The following DISC1 variants were observed in gnomAD, a reference collection of about 807,000 sequenced individuals.
DISC1 encodes the protein DISC1 scaffold protein, also known as disrupted in schizophrenia 1 protein.
In DISC1, 57 loss-of-function variants were observed where a neutral mutation model predicts 84.5. That is an observed-to-expected ratio of 0.67 (90% confidence interval 0.55 to 0.84). DISC1 has a LOEUF of 0.84. DISC1 is among the 40% of genes least tolerant of loss of function. The pLI is 0.00. For synonymous variants in DISC1, 411 were observed against 415.2 expected (o/e 0.99, Z 0.12); for missense variants, 1,000 against 1,057.8 (o/e 0.95, Z 0.76).
At chr1:231,997,772 T>C (rs1026109066) in intron 10 of DISC1, among the ~76,000 whole-genome samples, 3 of 152,148 alleles carry the variant, frequency 2.0e-5, no homozygotes, top group African/African-American at 4.8e-5. Context: ...TGCACCCTCC[T>C]ACCACCTGAA....
At chr1:231,829,824 G>A (rs1156905301) in intron 9 of DISC1, among the ~76,000 whole-genome samples, 1 of 147,772 alleles carries the variant, frequency 6.8e-6, no homozygotes. Flanking sequence ...GTAGGTAAAG[G>A]AAAATTACAG....
chr1:231,924,528 A>G (rs774986065), intron 9 of DISC1, among the ~76,000 whole-genome samples: 5 of 152,288 alleles, frequency 3.3e-5, no homozygotes, highest in Non-Finnish European at 5.9e-5. Context: ...GGTCATGTGA[A>G]CAATTCAAGG....
chr1:231,728,911 T>C (rs2125160225), intron 3 of DISC1, among the ~76,000 whole-genome samples: 1 of 152,330 alleles, frequency 6.6e-6, no homozygotes, highest in South Asian at 2.1e-4. Context: ...GTTACATATG[T>C]ATACGTGTGC....
chr1:231,926,326 TA>T (rs966941524), intron 9 of DISC1, among the ~76,000 whole-genome samples: 8 of 152,062 alleles, frequency 5.3e-5, no homozygotes, highest in East Asian at 1.9e-4. Flanking sequence ...TGGGTTTACG[TA>T]AAAAAAACTA....
At chr1:231,931,357 C>G (rs2090642540) in intron 9 of DISC1, among the ~76,000 whole-genome samples, 1 of 152,224 alleles carries the variant, frequency 6.6e-6, no homozygotes, top group Non-Finnish European at 1.5e-5. Context: ...CAGCAACTTA[C>G]TGTTCTGGTG....
intron 1 of DISC1, among the ~76,000 whole-genome samples, chr1:231,671,037 G>A (rs1402402074): frequency 6.6e-6 from 1 of 152,174 alleles, no homozygotes; most frequent in Non-Finnish European, 1.5e-5. Flanking sequence ...TGCCTTGGAA[G>A]CCAGCTTTAA....
chr1:231,853,259 C>T (rs886441997), intron 9 of DISC1, among the ~76,000 whole-genome samples: 1 of 152,204 alleles, frequency 6.6e-6, no homozygotes, highest in South Asian at 2.1e-4. Context: ...AGTCCTACAT[C>T]ATTTAATGTT....
chr1:231,628,295 C>T (rs1215131785), intron 1 of DISC1, among the ~76,000 whole-genome samples: 1 of 151,932 alleles, frequency 6.6e-6, no homozygotes, highest in Non-Finnish European at 1.5e-5. Flanking sequence ...CATCTGTTTA[C>T]AAAAAAGATA....
intron 1 of DISC1, among the ~76,000 whole-genome samples, chr1:231,636,149 CTG>C (rs2059181247): frequency 6.6e-6 from 1 of 152,200 alleles, no homozygotes; most frequent in African/African-American, 2.4e-5. Flanking sequence ...TATTTCCACA[CTG>C]TGTATGAAAT....
intron 9 of DISC1, among the ~76,000 whole-genome samples, chr1:231,948,170 G>T (rs1657596739): frequency 1.3e-5 from 2 of 152,078 alleles, no homozygotes; most frequent in African/African-American, 4.8e-5. Flanking sequence ...GTTTATTGTG[G>T]CACTATTCAC....
chr1:232,028,744 G>A (rs941341963), intron 12 of DISC1, among the ~76,000 whole-genome samples: 5 of 152,164 alleles, frequency 3.3e-5, no homozygotes, highest in Non-Finnish European at 7.4e-5. Context: ...TAGTATATTA[G>A]TCACAAGCTC....
intron 1 of DISC1, among the ~76,000 whole-genome samples, chr1:231,674,996 C>T (rs1319187498): frequency 1.3e-5 from 2 of 152,106 alleles, no homozygotes; most frequent in East Asian, 3.9e-4. Context: ...CCAAGAATAG[C>T]AGTATGATTG....
At chr1:231,911,404 A>G (rs1015367796) in intron 9 of DISC1, among the ~76,000 whole-genome samples, 3 of 152,108 alleles carry the variant, frequency 2.0e-5, no homozygotes, top group African/African-American at 7.2e-5. Flanking sequence ...TTGCTTGTCT[A>G]TAAAGAATTT....
At chr1:231,941,880 G>A (rs1572215233) in intron 9 of DISC1, among the ~76,000 whole-genome samples, 1 of 152,226 alleles carries the variant, frequency 6.6e-6, no homozygotes, top group Non-Finnish European at 1.5e-5. Context: ...TTATCAGGGT[G>A]GCAGCCAGCC....
At chr1:231,955,253 A>G (rs1408332999) in intron 9 of DISC1, among the ~76,000 whole-genome samples, 1 of 152,130 alleles carries the variant, frequency 6.6e-6, no homozygotes, top group Non-Finnish European at 1.5e-5. Context: ...ATTGCTTCAA[A>G]CGCCAATCCC....
intron 6 of DISC1, among the ~76,000 whole-genome samples, chr1:231,781,912 G>C (rs2125536030): frequency 6.6e-6 from 1 of 152,254 alleles, no homozygotes; most frequent in East Asian, 1.9e-4. Context: ...ATATCCCCAG[G>C]TTGGAAATAC....
intron 8 of DISC1, among the ~76,000 whole-genome samples, chr1:231,804,581 G>C (rs948231773): frequency 2.6e-5 from 4 of 151,848 alleles, no homozygotes; most frequent in African/African-American, 9.7e-5. Context: ...CTTAGCCTCT[G>C]GAGTCACGGG....
At chr1:231,657,266 C>G (rs889317066) in intron 1 of DISC1, among the ~76,000 whole-genome samples, 4 of 152,194 alleles carry the variant, frequency 2.6e-5, no homozygotes, top group Non-Finnish European at 5.9e-5. Context: ...AAAAGCATTT[C>G]TTTTTCTCCA....
In DISC1 at chr1:231,754,645, A is replaced by T. The variant is rs545603021; in HGVS notation, c.1268+4569A>T. Among the ~76,000 whole-genome samples, 33 of 152,314 alleles carry T rather than the reference A, an allele frequency of 2.2e-4. No homozygotes were observed. In the South Asian group the frequency reaches 6.8e-3, roughly 32 times the overall value. On this transcript the variant is annotated intron_variant, in intron 4 of 12. Transcript: ENST00000439617. ...CAGATCCAAACCATAGCAGAGAGTG[A>T]TGCTTTTATTCTGGTCTTGCCTAAG... is the stretch of plus-strand genomic sequence containing the variant.
Sources: gnomAD v4.1 joint callset for allele counts (sites outside exome capture counted in the v4.1 genomes callset) on GRCh38, gnomAD v4.1.1 for gene constraint, MANE v1.5 for transcripts, NCBI Gene and HGNC (gene_info 2026-07-23, HGNC 2026-07-21) for gene names.